The following GFRA1 variants were observed in gnomAD, a reference collection of about 807,000 sequenced individuals.
The protein encoded by GFRA1 is GDNF family receptor alpha 1.
GFRA1 carries 16 observed loss-of-function variants against 51.6 expected under a neutral mutation model. The ratio of observed to expected loss-of-function variants is 0.31; its 90% CI spans 0.21 to 0.47. GFRA1 has a LOEUF of 0.47. Ranked by LOEUF, GFRA1 falls within the 20% of genes least tolerant of loss-of-function variation. The probability of loss-of-function intolerance (pLI) is 1.00; values close to 1 mark genes in which losing one functional copy is unlikely to be tolerated. For synonymous variants in GFRA1, 270 were observed against 241.3 expected, an observed-to-expected ratio of 1.12 and a Z score of -1.10; for missense variants, 530 against 594.3, an observed-to-expected ratio of 0.89 and a Z score of 1.13.
chr10:116,196,418 G>A (rs1288876515), intron 5 of GFRA1, among the ~76,000 whole-genome samples: 2 of 149,254 alleles, frequency 1.3e-5, no homozygotes, highest in African/African-American at 4.9e-5. Flanking sequence ...GAACCTGAGA[G>A]GTGGAGGTTG....
intron 4 of GFRA1, among the ~76,000 whole-genome samples, chr10:116,256,488 T>C (rs1043950504): frequency 6.6e-6 from 1 of 152,106 alleles, no homozygotes; most frequent in African/African-American, 2.4e-5. Flanking sequence ...ATAAAAACAA[T>C]GTCATAACAT....
intron 4 of GFRA1, among the ~76,000 whole-genome samples, chr10:116,230,554 G>A (rs931877611): frequency 1.2e-4 from 19 of 152,162 alleles, no homozygotes; most frequent in African/African-American, 3.9e-4. Context: ...ATTCTCAGTA[G>A]AAATCTAGCT....
intron 6 of GFRA1, 82 bp downstream of exon 6, chr10:116,125,139 G>T: frequency 8.1e-7 from 1 of 1,240,642 alleles, no homozygotes; most frequent in Non-Finnish European, 1.2e-6. Flanking sequence ...TAGAAGCACA[G>T]AAAAGGGAGC....
At chr10:116,117,129 G>A (rs1299715689) in intron 6 of GFRA1, among the ~76,000 whole-genome samples, 2 of 152,188 alleles carry the variant, frequency 1.3e-5, no homozygotes, top group Non-Finnish European at 2.9e-5. Flanking sequence ...CCACTCCACT[G>A]ATCATCCCCT....
intron 5 of GFRA1, among the ~76,000 whole-genome samples, chr10:116,195,949 G>A (rs1282777935): frequency 6.6e-6 from 1 of 152,032 alleles, no homozygotes; most frequent in Admixed American, 6.6e-5. Flanking sequence ...ATCTCACAAG[G>A]TTAATTATTT....
chr10:116,145,066 T>C (rs2420241), intron 5 of GFRA1, among the ~76,000 whole-genome samples: 48,826 of 140,818 alleles, frequency 0.35, 8,247 homozygotes, highest in East Asian at 0.43. Flanking sequence ...GGAGAATCAC[T>C]TGAACCCGGG....
chr10:116,196,637 T>C lies in GFRA1; in HGVS notation c.433+14994A>G, dbSNP rs1589863136. On this transcript the variant is annotated intron_variant, in intron 5 of 10. Transcript: ENST00000355422. ...TATATATAATATATATAATATATAGTACTATATATAATATATATATAGTAC... is the reference window on the plus strand; with the variant it reads ...TATATATAATATATATAATATATAGCACTATATATAATATATATATAGTAC... Among the ~76,000 whole-genome samples the C allele has an allele frequency of 2.0e-4, 2 of 10,146 alleles. 1 individual carries two copies. Among genetic ancestry groups the C allele is most frequent in the East Asian group, 0.032 (2 of 62 alleles). The allele number at this position is 10,146 out of a possible 152,430, so 6.7% of individuals were successfully genotyped here. A position where few individuals can be genotyped will look rare whatever the true frequency, so the allele number is the denominator to read the frequency against.
intron 5 of GFRA1, among the ~76,000 whole-genome samples, chr10:116,182,985 AATC>A (rs1158940823): frequency 6.6e-6 from 1 of 152,196 alleles, no homozygotes; most frequent in African/African-American, 2.4e-5. Context: ...GACCTTTTGG[AATC>A]AAGGCTACCC....
At chr10:116,080,229 A>T (rs1263250233) in intron 9 of GFRA1, among the ~76,000 whole-genome samples, 4 of 152,152 alleles carry the variant, frequency 2.6e-5, no homozygotes, top group Non-Finnish European at 4.4e-5. Flanking sequence ...TAATCCGCAA[A>T]CACCCCAGGA....
intron 9 of GFRA1, among the ~76,000 whole-genome samples, chr10:116,088,266 T>G (rs1025737755): frequency 6.9e-6 from 1 of 145,446 alleles, no homozygotes; most frequent in Non-Finnish European, 1.5e-5. Context: ...AGGCATCTTG[T>G]GAGAATTCTA....
Position 116,061,785 on chromosome 10 carries a change from C to T in GFRA1, c.*2613G>A, listed in dbSNP as rs1954831065. The T allele has an allele frequency of 2.6e-6, 1 of 391,764 alleles. No homozygotes were observed. The highest frequency in any genetic ancestry group is 4.5e-6 in the Non-Finnish European group (1 of 222,108). 24.3% of individuals were successfully genotyped at this position (391,764 alleles called of 1,614,324 possible). On this transcript the variant is annotated 3_prime_UTR_variant, in exon 11 of 11. Coordinates refer to ENST00000355422, the MANE Select transcript of GFRA1 (RefSeq NM_005264.8). ...TTAAGCACGCCAAGAAGAAGTGAGACAGGTAAATGATTTAACTTATTGTGC... is the reference window on the plus strand; with the variant it reads ...TTAAGCACGCCAAGAAGAAGTGAGATAGGTAAATGATTTAACTTATTGTGC...
intron 4 of GFRA1, among the ~76,000 whole-genome samples, chr10:116,267,119 C>T (rs1454966307): frequency 2.0e-5 from 3 of 151,934 alleles, no homozygotes; most frequent in African/African-American, 7.2e-5. Context: ...CTAGCCTAGG[C>T]GACAGATCAA....
chr10:116,216,168 A>G (rs2134467253), intron 4 of GFRA1, among the ~76,000 whole-genome samples: 1 of 152,312 alleles, frequency 6.6e-6, no homozygotes, highest in Non-Finnish European at 1.5e-5. Flanking sequence ...TTAATAAGTT[A>G]TGGCAATTAG....
At chr10:116,240,885 A>AAACAATCCT (rs1027172392) in intron 4 of GFRA1, among the ~76,000 whole-genome samples, 1 of 152,198 alleles carries the variant, frequency 6.6e-6, no homozygotes, top group African/African-American at 2.4e-5. Context: ...TTAATCTTCA[A>AAACAATCCT]AACAATCCTA....
Position 116,120,648 on chromosome 10 carries a change from C to T in GFRA1, c.770+4573G>A, listed in dbSNP as rs1165586096. On this transcript the variant is annotated intron_variant, in intron 6 of 10. Transcript: ENST00000355422. ...TTCAATTCTACCTAGTAACATACTGCCAGAAAACGTAGAGCGTGGACTACT... is the reference window on the plus strand; with the variant it reads ...TTCAATTCTACCTAGTAACATACTGTCAGAAAACGTAGAGCGTGGACTACT... Among the ~76,000 whole-genome samples, 3 of 152,124 alleles carry T rather than the reference C, an allele frequency of 2.0e-5. No homozygotes were observed. In the East Asian group the frequency reaches 5.8e-4, roughly 29 times the overall value.
chr10:116,135,786 A>G (rs1589815940), intron 5 of GFRA1, among the ~76,000 whole-genome samples: 2 of 152,320 alleles, frequency 1.3e-5, no homozygotes, highest in African/African-American at 4.8e-5. Context: ...AAACAGCTAA[A>G]TATTTTTCAG....
chr10:116,135,264 A>G (rs1958274265), intron 5 of GFRA1, among the ~76,000 whole-genome samples: 1 of 152,198 alleles, frequency 6.6e-6, no homozygotes, highest in Non-Finnish European at 1.5e-5. Context: ...GCTTTTTAAA[A>G]TCTCTTTCAA....
intron 7 of GFRA1, among the ~76,000 whole-genome samples, chr10:116,094,200 C>T (rs111927834): frequency 0.018 from 2,706 of 152,136 alleles, 57 homozygotes; most frequent in African/African-American, 0.049. Context: ...TAGATAGAGC[C>T]GGGTTTACAT....
In GFRA1 at chr10:116,271,030, G is replaced by A. The variant is rs1255466934; in HGVS notation, c.126C>T (p.Cys42=). ...GCCTTAGCGTGCGGTACTTGGTGCT[G>A]CAGCTCTGCTCCTTCAGGCACTGAT... ...ASDQCLKEQS[C]STKYRTLRQC... The change falls in exon 3 of 11, where the codon TGC becomes TGT. Residue 42 remains cysteine (C), a synonymous_variant. Transcript: ENST00000355422. 4.3e-6 allele frequency: 7 copies of A among 1,614,080 alleles called. No individual in the cohort carries two copies. The East Asian group carries it at 6.7e-5, about 15-fold the overall frequency.
Sources: gnomAD v4.1 joint callset for allele counts (sites outside exome capture counted in the v4.1 genomes callset) on GRCh38, gnomAD v4.1.1 for gene constraint, MANE v1.5 for transcripts, NCBI Gene and HGNC (gene_info 2026-07-23, HGNC 2026-07-21) for gene names.